Variants in TMTC2 observed in about 807,000 individuals in gnomAD.
TMTC2 encodes the protein protein O-mannosyl-transferase TMTC2.
A neutral mutation model predicts 82.4 loss-of-function variants in TMTC2; 43 were observed. The ratio of observed to expected loss-of-function variants is 0.52; its 90% CI spans 0.41 to 0.67. The LOEUF (loss-of-function observed/expected upper bound fraction) is 0.67. TMTC2 is among the 30% of genes least tolerant of loss of function. TMTC2 has a pLI of 0.00. For synonymous variants in TMTC2, 408 were observed against 381.9 expected (o/e 1.07, Z -0.80); for missense variants, 919 against 1,012.4 (o/e 0.91, Z 1.25).
At chr12:82,922,154 TGAAA>T (rs764707315) in intron 3 of TMTC2, among the ~76,000 whole-genome samples, 54 of 152,270 alleles carry the variant, frequency 3.5e-4, no homozygotes, top group Non-Finnish European at 5.7e-4. Context: ...CACACTTCAC[TGAAA>T]GAACTTGGAG....
At chr12:82,921,877 C>A (rs1462880295) in intron 3 of TMTC2, among the ~76,000 whole-genome samples, 2 of 150,996 alleles carry the variant, frequency 1.3e-5, no homozygotes, top group East Asian at 3.9e-4. Context: ...GTGGGAGGAT[C>A]GCTTGAGTTC....
intron 2 of TMTC2, among the ~76,000 whole-genome samples, chr12:82,872,028 G>A (rs1044629055): frequency 1.1e-3 from 35 of 32,956 alleles, no homozygotes; most frequent in Admixed American, 9.3e-3. Flanking sequence ...CCCACACCCC[G>A]CAGTTGCCTA....
chr12:82,763,837 T>C (rs929911220), intron 1 of TMTC2, among the ~76,000 whole-genome samples: 1 of 152,198 alleles, frequency 6.6e-6, no homozygotes, highest in Admixed American at 6.5e-5. Flanking sequence ...ACTCTTGTCA[T>C]GGAAAATGTT....
chr12:82,875,385 T>TATATATATATATATATATATATA lies in TMTC2; in HGVS notation c.654+17807_654+17808insATATATATATATATATATATAAT, dbSNP rs140437146. ...AATCATATATGTGTGTATATATATA[T>TATATATATATATATATATATATA]ATGTTTTACAGCTGAGGAAGCAAAT... On this transcript the variant is annotated intron_variant, in intron 2 of 11. Transcript: ENST00000321196. 3.1e-3 allele frequency among the ~76,000 whole-genome samples: 474 copies of TATATATATATATATATATATATA among 151,892 alleles called. 2 individuals are homozygous for TATATATATATATATATATATATA. Among genetic ancestry groups the TATATATATATATATATATATATA allele is most frequent in the African/African-American group, 0.011 (457 of 41,174 alleles).
intron 11 of TMTC2, among the ~76,000 whole-genome samples, chr12:83,062,775 T>C (rs1882790047): frequency 6.6e-6 from 1 of 151,788 alleles, no homozygotes; most frequent in Non-Finnish European, 1.5e-5. Flanking sequence ...GTGATTCTTA[T>C]ACAGAGGTAT....
chr12:82,869,233 T>C (rs1468388336), intron 2 of TMTC2, among the ~76,000 whole-genome samples: 1 of 152,128 alleles, frequency 6.6e-6, no homozygotes, highest in East Asian at 1.9e-4. Flanking sequence ...ATGGGGAAAT[T>C]ATTTTAGACT....
intron 11 of TMTC2, among the ~76,000 whole-genome samples, chr12:83,079,897 AT>A (rs1300550838): frequency 3.3e-5 from 5 of 152,090 alleles, no homozygotes; most frequent in African/African-American, 1.2e-4. Context: ...ATTCTGCATA[AT>A]TTTTTATATA....
chr12:82,834,885 T>TA (rs11399778), intron 1 of TMTC2, among the ~76,000 whole-genome samples: 3,444 of 148,132 alleles, frequency 0.023, 68 homozygotes, highest in African/African-American at 0.052. Context: ...CATTTTATTA[T>TA]TTTTTTTTTT....
At chr12:83,046,927 A>G (rs1882165007) in intron 9 of TMTC2, among the ~76,000 whole-genome samples, 1 of 152,208 alleles carries the variant, frequency 6.6e-6, no homozygotes, top group South Asian at 2.1e-4. Context: ...TTAGTTGGTA[A>G]ATTATATTTC....
intron 1 of TMTC2, among the ~76,000 whole-genome samples, chr12:82,789,849 G>A (rs920235244): frequency 5.9e-5 from 9 of 152,064 alleles, no homozygotes; most frequent in African/African-American, 1.9e-4. Flanking sequence ...ACATCTAACT[G>A]GTAAAGTAGG....
At chr12:83,127,075 C>T (rs1426521288) in intron 11 of TMTC2, among the ~76,000 whole-genome samples, 2 of 152,046 alleles carry the variant, frequency 1.3e-5, no homozygotes, top group Non-Finnish European at 2.9e-5. Context: ...TTGATAGCTA[C>T]TTTAAAAAGA....
chr12:82,892,953 C>G (rs192701641), intron 2 of TMTC2, among the ~76,000 whole-genome samples: 3 of 152,198 alleles, frequency 2.0e-5, no homozygotes, highest in Admixed American at 1.3e-4. Context: ...TGGTATTTTT[C>G]TTTCTAAAAT....
At chr12:82,917,861 C>CA (rs147511522) in intron 3 of TMTC2, among the ~76,000 whole-genome samples, 11,904 of 151,912 alleles carry the variant, frequency 0.078, 561 homozygotes, top group African/African-American at 0.1. Flanking sequence ...CTTGGCCTCC[C>CA]AAGTGCTGGG....
At chr12:83,016,590 C>T (rs1220223240) in intron 8 of TMTC2, among the ~76,000 whole-genome samples, 1 of 152,296 alleles carries the variant, frequency 6.6e-6, no homozygotes, top group East Asian at 1.9e-4. Flanking sequence ...TCCAGTGCTG[C>T]ACACAATGCC....
In TMTC2 at chr12:82,896,610, C is replaced by T. The variant is rs753496211; in HGVS notation, c.1447C>T (p.Leu483Phe). ...RNGDWQNEEM[L>F]YRSGIKVNPA... ...TGGAGACTGGCAGAATGAGGAAATG[C>T]TTTATAGATCAGGGATAAAAGTAAA... The change falls in exon 3 of 12, where the codon CTT (leucine) becomes TTT (phenylalanine). Residue 483 changes from leucine (L) to phenylalanine (F), a missense_variant. Transcript: ENST00000321196. The T allele has an allele frequency of 2.5e-5, 40 of 1,612,534 alleles. 1 individual carries two copies. Among genetic ancestry groups the T allele is most frequent in the Non-Finnish European group, 3.4e-5 (40 of 1,179,566 alleles).
chr12:82,810,541 C>CA (rs1354271177), intron 1 of TMTC2, among the ~76,000 whole-genome samples: 1 of 151,904 alleles, frequency 6.6e-6, no homozygotes, highest in East Asian at 1.9e-4. Context: ...GATCCTCTTT[C>CA]AAGTATGGGA....
At chr12:82,754,373 C>A (rs1177052825) in intron 1 of TMTC2, among the ~76,000 whole-genome samples, 1 of 152,106 alleles carries the variant, frequency 6.6e-6, no homozygotes, top group African/African-American at 2.4e-5. Context: ...CTATGTTCTG[C>A]TAATTTATTT....
At chr12:82,743,987 G>C (rs370117832) in intron 1 of TMTC2, among the ~76,000 whole-genome samples, 9 of 152,136 alleles carry the variant, frequency 5.9e-5, no homozygotes, top group Admixed American at 2.6e-4. Context: ...CAGAAAGGAG[G>C]GGGGTGCTGG....
intron 11 of TMTC2, among the ~76,000 whole-genome samples, chr12:83,110,235 G>A (rs117743738): frequency 2.6e-4 from 39 of 152,004 alleles, no homozygotes; most frequent in African/African-American, 7.2e-4. Flanking sequence ...TCATTTCTTC[G>A]CTAGATGCCT....
Sources: allele counts gnomAD v4.1 joint callset (sites outside exome capture counted in the v4.1 genomes callset), GRCh38; gene constraint gnomAD v4.1.1; transcripts MANE v1.5; gene names NCBI Gene and HGNC (gene_info 2026-07-23, HGNC 2026-07-21).